Variants in POLD3 observed in about 807,000 individuals in gnomAD.
The protein encoded by POLD3 is DNA polymerase delta 3, accessory subunit.
POLD3 carries 19 observed loss-of-function variants against 58.2 expected under a neutral mutation model. That is an observed-to-expected ratio of 0.33 (90% CI 0.23 to 0.48). The LOEUF is 0.48. Among genes scored for constraint, POLD3 ranks in the 20% least tolerant of loss-of-function variants. POLD3 has a pLI of 0.99. For missense variants in POLD3, 504 were observed against 545.5 expected (o/e 0.92, Z 0.76); for synonymous variants, 172 against 193.5 (o/e 0.89, Z 0.92).
chr11:74,648,206 A>G lies in POLD3; in HGVS notation c.369+11931A>G, dbSNP rs1356388018. On this transcript the variant is annotated intron_variant, in intron 4 of 4. Transcript: ENST00000524752. Reference sequence around the variant, plus strand: ...ATTCTCAGGTAGGTGTGATCTTGCCAGTAAGTCTGAGTCTTTTTGGCTACG... The same window carrying G: ...ATTCTCAGGTAGGTGTGATCTTGCCGGTAAGTCTGAGTCTTTTTGGCTACG... Among the ~76,000 whole-genome samples, 7 of 152,342 alleles carry G rather than the reference A, an allele frequency of 4.6e-5. No homozygotes were observed. In the East Asian group the frequency reaches 1.2e-3, roughly 25 times the overall value.
At chr11:74,646,224 C>T (rs1182982289), downstream of POLD3, among the ~76,000 whole-genome samples, 3 of 152,122 alleles carry the variant, frequency 2.0e-5, no homozygotes, top group Non-Finnish European at 2.9e-5. Context: ...CTGCCTGCCT[C>T]GGCCTCCCAA....
rs749967419 is a variant in POLD3, at chr11:74,618,812, T to G, written c.660+8T>G. Reference sequence around the variant, plus strand: ...GCTAAAGAAGTAACAAATGTAAGTCTTCTTTGAAGATACCCCTTCATTGCA... The same window carrying G: ...GCTAAAGAAGTAACAAATGTAAGTCGTCTTTGAAGATACCCCTTCATTGCA... On this transcript the variant is annotated splice_region_variant and intron_variant, in intron 6 of 11. Transcript: ENST00000263681. 3 of 1,604,728 alleles carry G rather than the reference T, an allele frequency of 1.9e-6. No individual in the cohort carries two copies. In the African/African-American group the frequency reaches 4.0e-5, roughly 21 times the overall value.
intron 2 of POLD3, 199 bp from the exon 3 acceptor site, chr11:74,604,493 C>G: frequency 1.9e-6 from 1 of 532,196 alleles, no homozygotes; most frequent in Non-Finnish European, 3.3e-6. Context: ...GCTCCAAACA[C>G]ATGGACTCTA....
intron 5 of POLD3, among the ~76,000 whole-genome samples, chr11:74,613,964 C>T (rs767400392): frequency 3.0e-4 from 46 of 152,142 alleles, no homozygotes; most frequent in Admixed American, 5.9e-4. Flanking sequence ...TCAGTTGAGG[C>T]CTGAAGGCCC....
At chr11:74,656,038 GTAATTGTA>G (rs2033129573) in intron 4 of POLD3, among the ~76,000 whole-genome samples, 1 of 152,114 alleles carries the variant, frequency 6.6e-6, no homozygotes, top group Non-Finnish European at 1.5e-5. Context: ...TCAGCAATTA[GTAATTGTA>G]AAATAAAAAT....
chr11:74,637,435 CTT>C (rs5792663), intron 11 of POLD3, among the ~76,000 whole-genome samples: 6 of 115,466 alleles, frequency 5.2e-5, no homozygotes, highest in Non-Finnish European at 5.1e-5. Flanking sequence ...CTTTTTCTTC[CTT>C]TTTTTTTTTT....
chr11:74,637,216 C>G (rs1027003855), intron 11 of POLD3, among the ~76,000 whole-genome samples: 1 of 152,056 alleles, frequency 6.6e-6, no homozygotes, highest in African/African-American at 2.4e-5. Context: ...TCAACCTTTC[C>G]AGGTTCTTAA....
In POLD3 at chr11:74,609,362, ATATATATATATTTTTTTTTT is replaced by A. The variant is rs1317099246; in HGVS notation, c.220-2135_220-2116del. On this transcript the variant is annotated intron_variant, in intron 3 of 11. Transcript: ENST00000263681. ...TTGTTTTTGATATATATATATATAT[ATATATATATATTTTTTTTTT>A]TTTTTTTTTTTTTTTTGAGATGGAC... Among the ~76,000 whole-genome samples, 234 of 26,376 alleles carry A rather than the reference ATATATATATATTTTTTTTTT, an allele frequency of 8.9e-3. 7 individuals carry two copies. Among genetic ancestry groups the A allele is most frequent in the African/African-American group, 0.073 (223 of 3,040 alleles). 17.3% of individuals were successfully genotyped at this position (26,376 alleles called of 152,430 possible). A position where few individuals can be genotyped will look rare whatever the true frequency, so the allele number is the denominator to read the frequency against.
intron 3 of POLD3, among the ~76,000 whole-genome samples, chr11:74,606,567 T>A (rs1362285336): frequency 6.6e-6 from 1 of 152,188 alleles, no homozygotes; most frequent in Non-Finnish European, 1.5e-5. Context: ...AGTTCATGGA[T>A]CTTCTGGAAT....
intron 4 of POLD3, among the ~76,000 whole-genome samples, chr11:74,659,629 ATC>A (rs59923775): frequency 0.039 from 5,873 of 152,062 alleles, 362 homozygotes; most frequent in African/African-American, 0.14. Context: ...ACCCTAAATA[ATC>A]TCTCTCAAGT....
In POLD3 at chr11:74,668,882, C is replaced by A. The variant is rs1250618820; in HGVS notation, c.*26C>A. 8.7e-6 allele frequency: 8 copies of A among 921,312 alleles called. No homozygotes were observed. The Admixed American group carries it at 1.8e-4, about 20-fold the overall frequency. The allele number at this position is 921,312 out of a possible 1,614,324, so 57.1% of individuals were successfully genotyped here. A position where few individuals can be genotyped will look rare whatever the true frequency, so the allele number is the denominator to read the frequency against. On this transcript the variant is annotated 3_prime_UTR_variant, in exon 5 of 5. Coordinates refer to the POLD3 transcript ENST00000524752. ...GGTAGGATCTGAAGATCTCAAGCCT[C>A]GGAAGCACAGATTTAGGAGTCACTG...
At chr11:74,608,318 A>G (rs981107762) in intron 3 of POLD3, among the ~76,000 whole-genome samples, 1 of 152,098 alleles carries the variant, frequency 6.6e-6, no homozygotes. Context: ...ACGAGGTCTC[A>G]CTATGTTGTC....
At chr11:74,669,144 G>T, downstream of POLD3, 1 of 190,046 alleles carries the variant, frequency 5.3e-6, no homozygotes, top group Non-Finnish European at 1.1e-5. Context: ...CTTACTATCA[G>T]TGCCTCAGTT....
intron 4 of POLD3, among the ~76,000 whole-genome samples, chr11:74,664,762 C>T (rs144331387): frequency 6.6e-6 from 1 of 152,098 alleles, no homozygotes; most frequent in African/African-American, 2.4e-5. Context: ...TATAATAAAC[C>T]TTATCAATAG....
intron 4 of POLD3, among the ~76,000 whole-genome samples, chr11:74,659,922 A>G (rs530888182): frequency 7.9e-4 from 120 of 152,294 alleles, no homozygotes; most frequent in Non-Finnish European, 1.2e-3. Flanking sequence ...TCACTTCCAC[A>G]GTTTTGGGTA....
At chr11:74,635,517 C>G (rs1014223299) in intron 10 of POLD3, among the ~76,000 whole-genome samples, 2 of 152,108 alleles carry the variant, frequency 1.3e-5, no homozygotes, top group African/African-American at 4.8e-5. Context: ...GAGACTTTGT[C>G]TCTACTTTAA....
intron 4 of POLD3, among the ~76,000 whole-genome samples, chr11:74,649,526 T>C (rs2033041464): frequency 6.6e-6 from 1 of 152,200 alleles, no homozygotes; most frequent in Non-Finnish European, 1.5e-5. Flanking sequence ...AATGTACCAA[T>C]GATTTAATTC....
At chr11:74,623,324 A>G (rs1200827899) in intron 7 of POLD3, among the ~76,000 whole-genome samples, 2 of 152,112 alleles carry the variant, frequency 1.3e-5, no homozygotes, top group East Asian at 3.9e-4. Flanking sequence ...AGTCCCAGCT[A>G]CTCAGGAGGC....
At chr11:74,618,019 C>A (rs1438801301) in intron 5 of POLD3, among the ~76,000 whole-genome samples, 3 of 152,198 alleles carry the variant, frequency 2.0e-5, no homozygotes, top group Admixed American at 6.5e-5. Flanking sequence ...GCGCCCAACC[C>A]TACAGCATGA....
Sources: allele counts gnomAD v4.1 joint callset (sites outside exome capture counted in the v4.1 genomes callset), GRCh38; gene constraint gnomAD v4.1.1; transcripts MANE v1.5; gene names NCBI Gene and HGNC (gene_info 2026-07-23, HGNC 2026-07-21).